ANKRD36C: variants seen among roughly 807,000 people sequenced by gnomAD.
The protein encoded by ANKRD36C is ankyrin repeat domain 36C, also known as ankyrin repeat domain-containing protein 36C.
ANKRD36C carries 61 observed loss-of-function variants against 276.4 expected under a neutral mutation model. The ratio of observed to expected loss-of-function variants is 0.22; its 90% CI spans 0.18 to 0.27. The LOEUF (loss-of-function observed/expected upper bound fraction) is 0.27, where lower values mean the gene tolerates loss of function less well. Among genes scored for constraint, ANKRD36C ranks in the 10% least tolerant of loss-of-function variants. The pLI, the probability that ANKRD36C is intolerant of heterozygous loss-of-function variation, is 1.00. For synonymous variants in ANKRD36C, 483 were observed against 680.1 expected, an observed-to-expected ratio of 0.71 and a Z score of 4.51; for missense variants, 1,447 against 2,032.3, an observed-to-expected ratio of 0.71 and a Z score of 5.54.
At chr2:95,894,803 A>C (rs1414270225) in intron 44 of ANKRD36C, among the ~76,000 whole-genome samples, 3 of 151,320 alleles carry the variant, frequency 2.0e-5, no homozygotes, top group Non-Finnish European at 3.0e-5. Context: ...TGCTTCCAGA[A>C]ATTGCTGGAG....
At chr2:95,963,944 AATATAT>A (rs1192310791) in intron 6 of ANKRD36C, among the ~76,000 whole-genome samples, 1 of 82,716 alleles carries the variant, frequency 1.2e-5, no homozygotes, top group African/African-American at 4.2e-5. Context: ...TACATATATA[AATATAT>A]ATATATAAAT....
chr2:95,968,802 T>C (rs1474395088), intron 6 of ANKRD36C, among the ~76,000 whole-genome samples: 1 of 152,200 alleles, frequency 6.6e-6, no homozygotes, highest in Non-Finnish European at 1.5e-5. Context: ...GACTTCAAGT[T>C]GGGTTTCCCA....
At chr2:95,897,181 T>G in intron 44 of ANKRD36C, 89 bp downstream of exon 60, 1 of 1,137,984 alleles carries the variant, frequency 8.8e-7, no homozygotes, top group South Asian at 1.5e-5. Flanking sequence ...AATGTGCAGC[T>G]TCAACGAGCC....
At chr2:95,884,936 A>G (rs542230862) in intron 52 of ANKRD36C, among the ~76,000 whole-genome samples, 43 of 152,114 alleles carry the variant, frequency 2.8e-4, no homozygotes, top group Non-Finnish European at 3.1e-4. Context: ...GATAATATTT[A>G]TTATTCCTCA....
At position 95,915,975 on chromosome 2, in the gene ANKRD36C, A is replaced by G. The variant is rs545184382; in HGVS notation, c.2449+5T>C. On this transcript the variant is annotated splice_donor_5th_base_variant and intron_variant, in intron 38 of 66. Coordinates refer to ENST00000456556, the Ensembl canonical transcript of ANKRD36C. Reference sequence around the variant, plus strand: ...CATGACATTAAATGTGTTTTGCAAAATTACCTGTCCTAGATATTTCTCCAT... The same window carrying G: ...CATGACATTAAATGTGTTTTGCAAAGTTACCTGTCCTAGATATTTCTCCAT... The G allele has an allele frequency of 8.4e-5, 130 of 1,546,242 alleles. No homozygotes were observed. The highest frequency in any genetic ancestry group is 2.3e-4 in the Middle Eastern group (1 of 4,388).
intron 46 of ANKRD36C, 73 bp downstream of exon 66, chr2:95,891,592 C>T (rs537898694): frequency 2.7e-6 from 4 of 1,485,766 alleles, no homozygotes; most frequent in Admixed American, 4.2e-5. Flanking sequence ...GAACCCCCCG[C>T]TGATTTATTC....
intron 1 of ANKRD36C, among the ~76,000 whole-genome samples, chr2:95,991,297 A>C (rs1573823997): frequency 1.2e-4 from 5 of 40,038 alleles, no homozygotes; most frequent in Admixed American, 3.0e-4. Flanking sequence ...CCTACTCCCC[A>C]CTCCCATCCC....
chr2:95,910,486 T>C (rs766054798), intron 42 of ANKRD36C, 41 bp from the exon 46 acceptor site: 3 of 1,599,974 alleles, frequency 1.9e-6, no homozygotes, highest in South Asian at 1.1e-5. Context: ...AAATAAAGTA[T>C]GTTTCATAGA....
intron 60 of ANKRD36C, among the ~76,000 whole-genome samples, chr2:95,862,054 G>A (rs74878494): frequency 6.6e-6 from 1 of 151,770 alleles, no homozygotes; most frequent in Non-Finnish European, 1.5e-5. Context: ...ACAATCCTAA[G>A]TCTTTATGCC....
exon 26 of ANKRD36C, chr2:95,929,131 T>C: frequency 6.2e-7 from 1 of 1,603,344 alleles, no homozygotes; most frequent in Non-Finnish European, 8.5e-7. Context: ...AGAATCTTTG[T>C]CGTCACTTGT....
At chr2:95,882,420 C>T in intron 55 of ANKRD36C, 46 bp from the exon 76 acceptor site, 1 of 1,546,680 alleles carries the variant, frequency 6.5e-7, no homozygotes, top group Non-Finnish European at 8.7e-7. Flanking sequence ...ATATATATTT[C>T]ATAGGCTATG....
intron 6 of ANKRD36C, among the ~76,000 whole-genome samples, chr2:95,968,340 A>G (rs915225983): frequency 1.3e-5 from 2 of 152,218 alleles, no homozygotes; most frequent in African/African-American, 4.8e-5. Flanking sequence ...ATATATTATC[A>G]AAATTTGTTA....
chr2:95,962,569 T>A (rs1291805692), intron 6 of ANKRD36C, 22 bp from the exon 7 acceptor site: 1 of 1,598,734 alleles, frequency 6.3e-7, no homozygotes, highest in East Asian at 2.2e-5. Context: ...AAGGGATACA[T>A]CATCAATCAT....
chr2:95,986,895 T>G, exon 3 of ANKRD36C: 1 of 1,612,234 alleles, frequency 6.2e-7, no homozygotes, highest in South Asian at 1.1e-5. Context: ...GCAGAAGAGT[T>G]GCACAAGCCT....
exon 63 of ANKRD36C, chr2:95,855,301 T>C (rs2950724): frequency 9.4e-6 from 15 of 1,603,100 alleles, no homozygotes; most frequent in Non-Finnish European, 1.3e-5. Flanking sequence ...TATTGGCATT[T>C]TTTTTCTTTC....
intron 66 of ANKRD36C, 87 bp downstream of exon 86, chr2:95,851,607 A>G: frequency 8.6e-7 from 1 of 1,168,422 alleles, no homozygotes; most frequent in Non-Finnish European, 1.2e-6. Context: ...TTTGGCCCCA[A>G]GCATTTTGGA....
At chr2:95,944,581 G>A in intron 19 of ANKRD36C, 46 bp downstream of exon 19, 3 of 1,095,424 alleles carry the variant, frequency 2.7e-6, no homozygotes, top group Non-Finnish European at 3.7e-6. Flanking sequence ...GAACAGGACT[G>A]GACTCTGATT....
intron 8 of ANKRD36C, among the ~76,000 whole-genome samples, chr2:95,960,932 T>A (rs973016830): frequency 1.3e-5 from 2 of 152,086 alleles, no homozygotes; most frequent in Non-Finnish European, 2.9e-5. Flanking sequence ...AGTGTCTTTA[T>A]CAATGTGGAT....
intron 48 of ANKRD36C, among the ~76,000 whole-genome samples, chr2:95,889,292 A>G (rs1185810584): frequency 6.6e-6 from 1 of 151,590 alleles, no homozygotes; most frequent in Non-Finnish European, 1.5e-5. Context: ...AGAAATCCCA[A>G]ATTACATAAA....
Sources: allele counts gnomAD v4.1 joint callset (sites outside exome capture counted in the v4.1 genomes callset), GRCh38; gene constraint gnomAD v4.1.1; transcripts MANE v1.5; gene names NCBI Gene and HGNC (gene_info 2026-07-23, HGNC 2026-07-21).